SMOC1: variants seen among roughly 807,000 people sequenced by gnomAD.
The protein encoded by SMOC1 is SPARC-related modular calcium-binding protein 1.
In SMOC1, 22 loss-of-function variants were observed where a neutral mutation model predicts 56.3. The observed-to-expected ratio is 0.39, with a 90% CI of 0.28 to 0.56. The LOEUF (loss-of-function observed/expected upper bound fraction) is 0.56, where lower values mean the gene tolerates loss of function less well. SMOC1 is among the 20% of genes least tolerant of loss of function. The probability of loss-of-function intolerance (pLI) is 0.61; values close to 1 mark genes in which losing one functional copy is unlikely to be tolerated. For synonymous variants in SMOC1, 193 were observed against 215.0 expected, an observed-to-expected ratio of 0.90 and a Z score of 0.89; for missense variants, 509 against 565.4, an observed-to-expected ratio of 0.90 and a Z score of 1.01.
rs184072456 is a variant in SMOC1, at chr14:69,910,470, T to C, written c.99+30693T>C. On this transcript the variant is annotated intron_variant, in intron 1 of 11. Transcript: ENST00000361956. ...TATATTTTGAACATCTAGGGTAGAG[T>C]ATACGATGGCCAGGCAGGAGGCATG... Among the ~76,000 whole-genome samples the C allele has an allele frequency of 1.5e-3, 235 of 152,208 alleles. 1 individual carries two copies. Among genetic ancestry groups the C allele is most frequent in the African/African-American group, 5.5e-3 (227 of 41,518 alleles).
Position 69,956,770 on chromosome 14 carries a change from C to T in SMOC1, c.378+3238C>T, listed in dbSNP as rs181055740. On this transcript the variant is annotated intron_variant, in intron 3 of 11. Transcript: ENST00000361956. ...TCCCTACCTCCAACCCCAACTCACA[C>T]ACAGGAGTGGTTCAGCTTTCTTCTA... Among the ~76,000 whole-genome samples the T allele has an allele frequency of 7.9e-5, 12 of 152,270 alleles. No homozygotes were observed. In the East Asian group the frequency reaches 2.3e-3, roughly 29 times the overall value.
chr14:70,020,165 A>T (rs570341808), intron 10 of SMOC1, among the ~76,000 whole-genome samples: 219 of 139,370 alleles, frequency 1.6e-3, no homozygotes, highest in African/African-American at 5.0e-3. Flanking sequence ...TTTTTTTTTA[A>T]CCTGAGTCCA....
At chr14:69,942,779 A>T (rs1882612356) in intron 1 of SMOC1, among the ~76,000 whole-genome samples, 1 of 152,186 alleles carries the variant, frequency 6.6e-6, no homozygotes, top group African/African-American at 2.4e-5. Context: ...TTTCTGAAAG[A>T]TTGAGAAGGA....
At chr14:69,935,207 T>C (rs1885265194) in intron 1 of SMOC1, among the ~76,000 whole-genome samples, 1 of 152,212 alleles carries the variant, frequency 6.6e-6, no homozygotes, top group Middle Eastern at 3.2e-3. Context: ...CCCAAATAGA[T>C]TTAGATCTGG....
intron 7 of SMOC1, among the ~76,000 whole-genome samples, chr14:70,007,651 A>C (rs1325341495): frequency 1.3e-5 from 2 of 152,220 alleles, no homozygotes; most frequent in Non-Finnish European, 2.9e-5. Flanking sequence ...GTCAAGCCTG[A>C]CTGTCAGGAT....
intron 3 of SMOC1, among the ~76,000 whole-genome samples, chr14:69,970,631 C>T (rs936664679): frequency 1.3e-5 from 2 of 152,106 alleles, no homozygotes; most frequent in African/African-American, 4.8e-5. Flanking sequence ...GTATTTTTTG[C>T]GTTGGACATG....
At chr14:70,000,187 ACACT>A (rs999381660) in intron 7 of SMOC1, among the ~76,000 whole-genome samples, 17 of 152,308 alleles carry the variant, frequency 1.1e-4, no homozygotes, top group Admixed American at 8.5e-4. Flanking sequence ...TCTCATAAAC[ACACT>A]CACACAGGCA....
intron 1 of SMOC1, among the ~76,000 whole-genome samples, chr14:69,942,486 A>G (rs1354654586): frequency 2.0e-5 from 3 of 152,172 alleles, no homozygotes; most frequent in Non-Finnish European, 4.4e-5. Context: ...TATGAATTTT[A>G]ACAAATTTAT....
rs761319347 is a variant in SMOC1, at chr14:70,011,488, C to T, written c.861C>T (p.Tyr287=). The change falls in exon 9 of 12, where the codon TAC becomes TAT. Residue 287 remains tyrosine, a synonymous_variant. Transcript: ENST00000361956. ...GRPLPGTSTR[Y]VMPSCESDAR... ...CCCCATATCTCTCTTTTCCCAGCTA[C>T]GTGATGCCCAGTTGTGAGAGCGACG... 12 of 1,502,684 alleles carry T rather than the reference C, an allele frequency of 8.0e-6. No homozygotes were observed. Among genetic ancestry groups the T allele is most frequent in the African/African-American group, 5.7e-5 (4 of 70,030 alleles). The allele number at this position is 1,502,684 out of a possible 1,614,324, so 93.1% of individuals were successfully genotyped here. A position where few individuals can be genotyped will look rare whatever the true frequency, so the allele number is the denominator to read the frequency against.
At chr14:69,990,838 A>C (rs1884540264) in intron 5 of SMOC1, among the ~76,000 whole-genome samples, 1 of 152,108 alleles carries the variant, frequency 6.6e-6, no homozygotes, top group Admixed American at 6.5e-5. Context: ...TGGCTTCTGC[A>C]AGAGTTGGGT....
intron 5 of SMOC1, among the ~76,000 whole-genome samples, chr14:69,987,133 A>C (rs978799380): frequency 1.3e-5 from 2 of 152,206 alleles, no homozygotes; most frequent in East Asian, 3.9e-4. Context: ...GTGGAGGGGG[A>C]TGGTGGCTCT....
chr14:69,947,201 T>C (rs903676266), intron 1 of SMOC1, among the ~76,000 whole-genome samples: 1 of 151,714 alleles, frequency 6.6e-6, no homozygotes, highest in African/African-American at 2.4e-5. Flanking sequence ...CTTTCATTCT[T>C]ATTCTGTCAC....
chr14:69,884,284 T>A (rs1883734881), intron 1 of SMOC1, among the ~76,000 whole-genome samples: 1 of 152,146 alleles, frequency 6.6e-6, no homozygotes, highest in African/African-American at 2.4e-5. Flanking sequence ...TGCCCATTTT[T>A]TCATTGCATT....
chr14:69,948,563 C>T (rs1286798194), intron 1 of SMOC1, among the ~76,000 whole-genome samples: 1 of 152,092 alleles, frequency 6.6e-6, no homozygotes, highest in Non-Finnish European at 1.5e-5. Context: ...ATTTTTTGGC[C>T]TGTAGTTCAA....
At position 69,953,432 on chromosome 14, in the gene SMOC1, G is replaced by A. The variant is rs1566686644; in HGVS notation, c.278G>A (p.Ser93Asn). The A allele has an allele frequency of 1.2e-6, 2 of 1,614,186 alleles. No individual in the cohort carries two copies. The highest frequency in any genetic ancestry group is 1.7e-5 in the Admixed American group (1 of 60,034). The part of the protein sequence containing the change: ...HRGRCKDAGQ[S>N]KCRLERAQAL... Reference sequence around the variant, plus strand: ...TCTCCTCTTTCAGATGCTGGCCAGAGCAAGTGTCGCCTGGAGCGGGCTCAA... The same window carrying A: ...TCTCCTCTTTCAGATGCTGGCCAGAACAAGTGTCGCCTGGAGCGGGCTCAA... The change falls in exon 3 of 12, where the codon AGC (serine) becomes AAC (asparagine). Residue 93 changes from serine (S) to asparagine (N), a missense_variant. By Grantham distance (46) the Ser-to-Asn change is conservative (BLOSUM62 1). Coordinates refer to ENST00000361956, the MANE Select transcript of SMOC1 (RefSeq NM_001034852.3).
intron 1 of SMOC1, among the ~76,000 whole-genome samples, chr14:69,930,698 A>G (rs1029308882): frequency 3.9e-5 from 6 of 152,154 alleles, no homozygotes; most frequent in Non-Finnish European, 7.4e-5. Flanking sequence ...CTGTCAAGGG[A>G]GGACCTTGAG....
In SMOC1 at chr14:69,885,792, G is replaced by A. The variant is rs376047534; in HGVS notation, c.99+6015G>A. 436 of 1,580,668 alleles carry A rather than the reference G, an allele frequency of 2.8e-4. 4 individuals are homozygous for A. In the South Asian group the frequency reaches 4.2e-3, roughly 15 times the overall value. Reference sequence around the variant, plus strand: ...TTGCCAGCAGCTTTCTTCTCGGCCCGGGCCAACAGTCTCTGCTTCTTCTCT... The same window carrying A: ...TTGCCAGCAGCTTTCTTCTCGGCCCAGGCCAACAGTCTCTGCTTCTTCTCT... On this transcript the variant is annotated intron_variant, in intron 1 of 11. Coordinates refer to ENST00000361956, the MANE Select transcript of SMOC1 (RefSeq NM_001034852.3).
In SMOC1 at chr14:70,031,478, A is replaced by T. The variant is rs1300141575; in HGVS notation, c.*1220A>T. The T allele has an allele frequency of 6.6e-6, 1 of 152,154 alleles. No homozygotes were observed. Among genetic ancestry groups the T allele is most frequent in the African/African-American group, 2.4e-5 (1 of 41,412 alleles). The allele number at this position is 152,154 out of a possible 1,614,324, so 9.4% of individuals were successfully genotyped here. On this transcript the variant is annotated 3_prime_UTR_variant, in exon 12 of 12. Coordinates refer to ENST00000361956, the MANE Select transcript of SMOC1 (RefSeq NM_001034852.3). ...ACTAAAGTTGTTTTGTTGGTTTTTT[A>T]AAAACCCAATACTGAGGTTCTTCCT...
chr14:69,964,045 C>T (rs1000609868), intron 3 of SMOC1, among the ~76,000 whole-genome samples: 9 of 152,202 alleles, frequency 5.9e-5, no homozygotes, highest in African/African-American at 2.2e-4. Flanking sequence ...CTGCTCTGTC[C>T]TGCTCTTCAA....
Sources: allele counts gnomAD v4.1 joint callset (sites outside exome capture counted in the v4.1 genomes callset), GRCh38; gene constraint gnomAD v4.1.1; transcripts MANE v1.5; gene names NCBI Gene and HGNC (gene_info 2026-07-23, HGNC 2026-07-21).